The following MYO5C variants were observed in gnomAD, a reference collection of about 807,000 sequenced individuals.
The protein encoded by MYO5C is myosin VC, also known as unconventional myosin-Vc.
Under a neutral mutation model 235.7 loss-of-function variants are expected in MYO5C, and 194 were observed. The ratio of observed to expected loss-of-function variants is 0.82; its 90% CI spans 0.73 to 0.93. The LOEUF (loss-of-function observed/expected upper bound fraction) is 0.93, where lower values mean the gene tolerates loss of function less well. Ranked by LOEUF, MYO5C falls within the 40% of genes least tolerant of loss-of-function variation. MYO5C has a pLI of 0.00. For missense variants in MYO5C, 2,038 were observed against 2,127.2 expected (o/e 0.96, Z 0.82); for synonymous variants, 707 against 754.8 (o/e 0.94, Z 1.04).
intron 19 of MYO5C, chr15:52,243,276 A>G (rs2036264474): frequency 6.6e-6 from 1 of 152,592 alleles, no homozygotes; most frequent in African/African-American, 2.4e-5. Flanking sequence ...GCACGGTGCC[A>G]TCAGAGTGCA....
intron 8 of MYO5C, among the ~76,000 whole-genome samples, chr15:52,268,407 CA>C (rs1390513483): frequency 6.6e-6 from 1 of 152,048 alleles, no homozygotes; most frequent in Non-Finnish European, 1.5e-5. Flanking sequence ...TACTAAAATA[CA>C]AAAAATTAGC....
intron 1 of MYO5C, among the ~76,000 whole-genome samples, chr15:52,285,698 G>A (rs28648837): frequency 2.0e-5 from 3 of 152,124 alleles, no homozygotes; most frequent in South Asian, 2.1e-4. Context: ...CTCCAGCTCC[G>A]AACCACGAGT....
At chr15:52,288,780 C>T (rs1372190988) in intron 1 of MYO5C, among the ~76,000 whole-genome samples, 1 of 152,218 alleles carries the variant, frequency 6.6e-6, no homozygotes, top group African/African-American at 2.4e-5. Context: ...GCTCGCCAAG[C>T]CCTTCAGCGG....
At chr15:52,237,837 C>T (rs1211949955) in intron 21 of MYO5C, among the ~76,000 whole-genome samples, 191 bp from the exon 22 acceptor site, 1 of 152,184 alleles carries the variant, frequency 6.6e-6, no homozygotes, top group African/African-American at 2.4e-5. Context: ...GCTGGGTACA[C>T]ATCTTCCCAA....
At chr15:52,260,027 G>T (rs149884375) in intron 10 of MYO5C, among the ~76,000 whole-genome samples, 1 of 152,378 alleles carries the variant, frequency 6.6e-6, no homozygotes, top group Non-Finnish European at 1.5e-5. Context: ...AAGAAACCAG[G>T]GTGGGTCCCA....
chr15:52,270,580 A>C (rs1308693126), intron 7 of MYO5C, among the ~76,000 whole-genome samples: 1 of 151,356 alleles, frequency 6.6e-6, no homozygotes, highest in African/African-American at 2.4e-5. Context: ...CTCTCTCTCT[A>C]CATATATATG....
intron 2 of MYO5C, among the ~76,000 whole-genome samples, chr15:52,280,412 C>T (rs1008868649): frequency 6.6e-5 from 10 of 152,322 alleles, no homozygotes; most frequent in East Asian, 3.9e-4. Flanking sequence ...CTTAGCAGAA[C>T]GAAGGTGAGG....
At chr15:52,295,554 C>T (rs2140881244) in intron 1 of MYO5C, 56 bp downstream of exon 1, 6 of 1,493,908 alleles carry the variant, frequency 4.0e-6, no homozygotes, top group African/African-American at 1.5e-5. Flanking sequence ...GTCGAGTCAG[C>T]GTTAGCAGGG....
At position 52,237,927 on chromosome 15, in the gene MYO5C, CCA is replaced by C. The variant is rs1491406253; in HGVS notation, c.2704-283_2704-282del. On this transcript the variant is annotated intron_variant, in intron 21 of 40. Transcript: ENST00000261839. The stretch of plus-strand genomic sequence containing the variant: ...CTAGTGTTATGAACTGTGCCCCCCG[CCA>C]AAATTCATTTGTTGAAGTCCTAACC... Among the ~76,000 whole-genome samples the C allele has an allele frequency of 6.5e-3, 969 of 149,056 alleles. 7 individuals carry two copies. The highest frequency in any genetic ancestry group is 0.043 in the South Asian group (205 of 4,732).
chr15:52,244,625 G>A, intron 18 of MYO5C, 58 bp from the exon 19 acceptor site: 1 of 1,292,334 alleles, frequency 7.7e-7, no homozygotes, highest in Middle Eastern at 2.7e-4. Flanking sequence ...CTATAATACA[G>A]TATTTGGAAA....
intron 34 of MYO5C, among the ~76,000 whole-genome samples, chr15:52,212,950 C>T (rs2035479399): frequency 6.6e-6 from 1 of 152,202 alleles, no homozygotes; most frequent in African/African-American, 2.4e-5. Context: ...ATTGTCATCA[C>T]TAGGGGTTGC....
chr15:52,228,546 T>G (rs2035880711), intron 25 of MYO5C, among the ~76,000 whole-genome samples: 1 of 152,246 alleles, frequency 6.6e-6, no homozygotes, highest in South Asian at 2.1e-4. Context: ...CATTGAAAAT[T>G]TATAGCTTTA....
rs2034966648 is a variant in MYO5C, at chr15:52,193,015, C to A, written c.*887G>T. Reference sequence around the variant, plus strand: ...AATGATTCATCTCGGATTGAACACTCTTAAAAATTAAAAGGGTCAGCCGGG... The same window carrying A: ...AATGATTCATCTCGGATTGAACACTATTAAAAATTAAAAGGGTCAGCCGGG... On this transcript the variant is annotated 3_prime_UTR_variant, in exon 41 of 41. Coordinates refer to ENST00000261839, the MANE Select transcript of MYO5C (RefSeq NM_018728.4). 6.6e-6 allele frequency: 1 copy of A among 152,074 alleles called. No individual in the cohort carries two copies. Among genetic ancestry groups the A allele is most frequent in the Non-Finnish European group, 1.5e-5 (1 of 67,998 alleles). 9.4% of individuals were successfully genotyped at this position (152,074 alleles called of 1,614,324 possible). A position where few individuals can be genotyped will look rare whatever the true frequency, so the allele number is the denominator to read the frequency against.
At chr15:52,285,625 C>T (rs2037248250) in intron 1 of MYO5C, among the ~76,000 whole-genome samples, 2 of 152,262 alleles carry the variant, frequency 1.3e-5, no homozygotes, top group Non-Finnish European at 2.9e-5. Context: ...CGCGCCGCCA[C>T]GCCTGACTGG....
chr15:52,199,231 C>A (rs908527406), intron 38 of MYO5C, among the ~76,000 whole-genome samples: 1 of 152,100 alleles, frequency 6.6e-6, no homozygotes, highest in Non-Finnish European at 1.5e-5. Flanking sequence ...TAATGGGGCT[C>A]CCATCTCAGC....
chr15:52,214,750 T>C, intron 32 of MYO5C, 60 bp from the exon 33 acceptor site: 1 of 1,216,062 alleles, frequency 8.2e-7, no homozygotes, highest in Non-Finnish European at 1.1e-6. Flanking sequence ...ATTTTTTTTT[T>C]TTTTGGGTAA....
chr15:52,237,353 G>T, intron 22 of MYO5C, 129 bp downstream of exon 22: 1 of 1,141,334 alleles, frequency 8.8e-7, no homozygotes, highest in Non-Finnish European at 1.2e-6. Context: ...GCTCCCTTTG[G>T]TAATGGAAGT....
At chr15:52,269,352 A>C (rs1566988046) in intron 8 of MYO5C, among the ~76,000 whole-genome samples, 1 of 151,744 alleles carries the variant, frequency 6.6e-6, no homozygotes, top group Non-Finnish European at 1.5e-5. Flanking sequence ...AGGAGCCTTC[A>C]GAATACACAT....
chr15:52,241,078 C>G (rs1008687244), intron 20 of MYO5C, among the ~76,000 whole-genome samples: 1 of 152,104 alleles, frequency 6.6e-6, no homozygotes, highest in African/African-American at 2.4e-5. Flanking sequence ...TCTAAAAGAG[C>G]CATCTCATTG....
Sources: allele counts gnomAD v4.1 joint callset (sites outside exome capture counted in the v4.1 genomes callset), GRCh38; gene constraint gnomAD v4.1.1; transcripts MANE v1.5; gene names NCBI Gene and HGNC (gene_info 2026-07-23, HGNC 2026-07-21).